Variants in ATF2 observed in about 807,000 individuals in gnomAD.
The protein encoded by ATF2 is activating transcription factor 2.
ATF2 carries 24 observed loss-of-function variants against 60.6 expected under a neutral mutation model. That is an observed-to-expected ratio of 0.40 (90% confidence interval 0.29 to 0.56). The LOEUF (loss-of-function observed/expected upper bound fraction) is 0.56. Ranked by LOEUF, ATF2 falls within the 20% of genes least tolerant of loss-of-function variation. ATF2 has a pLI of 0.54. For synonymous variants in ATF2, 206 were observed against 215.4 expected (o/e 0.96, Z 0.38); for missense variants, 433 against 607.7 (o/e 0.71, Z 3.02).
intron 1 of ATF2, among the ~76,000 whole-genome samples, chr2:175,163,205 G>A (rs914377800): frequency 4.0e-5 from 6 of 151,106 alleles, no homozygotes; most frequent in South Asian, 2.1e-4. Context: ...ATACTAGCCC[G>A]AACAGTAAAA....
chr2:175,092,620 T>A (rs755110725), intron 12 of ATF2: 2 of 447,068 alleles, frequency 4.5e-6, no homozygotes, highest in South Asian at 3.5e-5. Flanking sequence ...ATATTCACTT[T>A]AAATAAAACA....
chr2:175,121,477 C>G lies in ATF2; in HGVS notation c.166G>C (p.Gly56Arg). 3 of 1,604,112 alleles carry G rather than the reference C, an allele frequency of 1.9e-6. No individual in the cohort carries two copies. Among genetic ancestry groups the G allele is most frequent in the Non-Finnish European group, 2.6e-6 (3 of 1,174,428 alleles). ...KHKHEMTLKF[G>R]PARNDSVIVA... ...ATGACACTGTCATTACGTGCTGGAC[C>G]AAATTTCAGTGTCATCTCATGTTTA... The change falls in exon 5 of 14, where the codon GGT becomes CGT. Residue 56 changes from glycine (G) to arginine (R), a missense_variant. Around this residue, in one of 5 missense-constraint regions of ATF2, gnomAD observed 29 missense variants for 102.1 expected, o/e 0.28. Transcript: ENST00000264110.
intron 12 of ATF2, among the ~76,000 whole-genome samples, chr2:175,092,232 TCAATTATGATTATA>T (rs1694601963): frequency 6.6e-6 from 1 of 152,224 alleles, no homozygotes; most frequent in African/African-American, 2.4e-5. Context: ...TCTCTTACCA[TCAATTATGATTATA>T]CAGAAAGATT....
Position 175,074,793 on chromosome 2 carries a change from C to T in ATF2, c.1334G>A (p.Ser445Asn), listed in dbSNP as rs1559040388. The T allele has an allele frequency of 6.2e-7, 1 of 1,613,534 alleles. No homozygotes were observed. The change falls in exon 14 of 14, where the codon AGT (serine) becomes AAT (asparagine). Residue 445 changes from serine to asparagine, a missense_variant. Around this residue, in one of 5 missense-constraint regions of ATF2, gnomAD observed 114 missense variants for 104.0 expected, o/e 1.10. Coordinates refer to ENST00000264110, the MANE Select transcript of ATF2 (RefSeq NM_001880.4). ...CTGTATAGCTTCTGTATGTGGACTA[C>T]TCGGCACTGAAATGTCTTCTGAACT... Reference protein sequence around the residue: ...DDSSEDISVPSSPHTEAIQHS... With the variant: ...DDSSEDISVPNSPHTEAIQHS...
chr2:175,105,026 A>C (rs1695558827), intron 10 of ATF2, among the ~76,000 whole-genome samples: 1 of 152,218 alleles, frequency 6.6e-6, no homozygotes. Flanking sequence ...ACTATGTATC[A>C]CTAAGTTTAG....
chr2:175,073,459 A>ACACACACACACGCG lies in ATF2; in HGVS notation c.*1136_*1149dup, dbSNP rs1491580787. 2 of 152,060 alleles carry ACACACACACACGCG rather than the reference A, an allele frequency of 1.3e-5. No individual in the cohort carries two copies. The highest frequency in any genetic ancestry group is 2.4e-5 in the African/African-American group (1 of 41,482). 9.4% of individuals were successfully genotyped at this position (152,060 alleles called of 1,614,324 possible). ...GATTGCTGGCATAAACTATTAAAAG[A>ACACACACACACGCG]CACACACACACGCGCACACACACAC... is the stretch of plus-strand genomic sequence containing the variant. On this transcript the variant is annotated 3_prime_UTR_variant, in exon 14 of 14. Coordinates refer to ENST00000264110, the MANE Select transcript of ATF2 (RefSeq NM_001880.4).
At chr2:175,089,181 C>CA (rs35962280) in intron 12 of ATF2, among the ~76,000 whole-genome samples, 27,756 of 139,000 alleles carry the variant, frequency 0.2, 3,291 homozygotes, top group African/African-American at 0.36. Flanking sequence ...ACTCTGTCTC[C>CA]AAAAAAAAAA....
chr2:175,158,661 T>G (rs1056801381), intron 1 of ATF2, among the ~76,000 whole-genome samples: 1 of 151,616 alleles, frequency 6.6e-6, no homozygotes, highest in Non-Finnish European at 1.5e-5. Flanking sequence ...AAAATAAGAG[T>G]GACTTAAAGC....
intron 2 of ATF2, among the ~76,000 whole-genome samples, chr2:175,149,834 C>T (rs1699190918): frequency 6.6e-6 from 1 of 152,164 alleles, no homozygotes; most frequent in South Asian, 2.1e-4. Context: ...ATTTCCCATT[C>T]ATCCATTCCT....
At chr2:175,154,267 T>G (rs1184360857) in intron 1 of ATF2, among the ~76,000 whole-genome samples, 2 of 149,862 alleles carry the variant, frequency 1.3e-5, no homozygotes, top group African/African-American at 2.4e-5. Context: ...TACTTTAAAA[T>G]TATTTTGTTA....
intron 1 of ATF2, among the ~76,000 whole-genome samples, chr2:175,156,651 A>G (rs1699707783): frequency 6.6e-6 from 1 of 152,180 alleles, no homozygotes; most frequent in Admixed American, 6.5e-5. Flanking sequence ...GGACACAAAG[A>G]AAGGAAAGAC....
intron 2 of ATF2, among the ~76,000 whole-genome samples, chr2:175,145,509 T>C (rs1247848611): frequency 6.6e-6 from 1 of 152,246 alleles, no homozygotes; most frequent in Non-Finnish European, 1.5e-5. Context: ...GCCAGTGCCA[T>C]GCTTGTATAG....
chr2:175,156,230 G>C (rs1411168872), intron 1 of ATF2, among the ~76,000 whole-genome samples: 2 of 151,834 alleles, frequency 1.3e-5, no homozygotes, highest in Non-Finnish European at 2.9e-5. Context: ...AATTAGCCAG[G>C]CGTGGTGGCG....
intron 1 of ATF2, among the ~76,000 whole-genome samples, chr2:175,155,977 T>C (rs1328245602): frequency 1.3e-5 from 2 of 152,180 alleles, no homozygotes; most frequent in South Asian, 4.1e-4. Flanking sequence ...ATGAGTGTAT[T>C]AGGCAGAATG....
chr2:175,131,805 T>G lies in ATF2; in HGVS notation c.33-1598A>C, dbSNP rs535248856. 1.1e-4 allele frequency among the ~76,000 whole-genome samples: 16 copies of G among 152,288 alleles called. 1 individual carries two copies. The East Asian group carries it at 2.5e-3, about 24-fold the overall frequency. ...CAGGATCCTCTACACTCTTAAAAAT[T>G]TAGGCTCCCAAAGAACGTTTTTGTT... On this transcript the variant is annotated intron_variant, in intron 3 of 13. Coordinates refer to ENST00000264110, the MANE Select transcript of ATF2 (RefSeq NM_001880.4).
intron 3 of ATF2, among the ~76,000 whole-genome samples, chr2:175,130,553 C>T (rs923463866): frequency 1.2e-4 from 18 of 152,078 alleles, no homozygotes; most frequent in African/African-American, 4.1e-4. Context: ...TCCTACTGTA[C>T]TGTTATGAAA....
At chr2:175,143,968 A>AT (rs1698771203) in intron 2 of ATF2, among the ~76,000 whole-genome samples, 1 of 152,142 alleles carries the variant, frequency 6.6e-6, no homozygotes, top group Admixed American at 6.5e-5. Context: ...TAATTTTTAC[A>AT]TTTTTTGTAG....
rs1696358763 is a variant in ATF2, at chr2:175,113,662, C to T, written c.741+332G>A. On this transcript the variant is annotated intron_variant, in intron 9 of 13. Transcript: ENST00000264110. ...AACAATTTCCATACTAATAGAAATA[C>T]CACAGAGTTACCTGACAAGTATTCT... is the stretch of plus-strand genomic sequence containing the variant. 2.0e-5 allele frequency among the ~76,000 whole-genome samples: 3 copies of T among 151,832 alleles called. 1 individual carries two copies. In the South Asian group the frequency reaches 6.2e-4, roughly 32 times the overall value.
intron 12 of ATF2, among the ~76,000 whole-genome samples, chr2:175,088,165 TGTAA>T (rs1694293484): frequency 6.6e-6 from 1 of 152,164 alleles, no homozygotes; most frequent in Admixed American, 6.5e-5. Context: ...AAGCTTCAAA[TGTAA>T]GTATTAGATC....
Sources: allele counts gnomAD v4.1 joint callset (sites outside exome capture counted in the v4.1 genomes callset), GRCh38; gene constraint gnomAD v4.1.1; regional missense constraint gnomAD v4.1.1; transcripts MANE v1.5; gene names NCBI Gene and HGNC (gene_info 2026-07-23, HGNC 2026-07-21).